CCDC126: variants seen among roughly 807,000 people sequenced by gnomAD.
CCDC126 encodes the protein coiled-coil domain containing 126.
A neutral mutation model predicts 11.7 loss-of-function variants in CCDC126; 5 were observed. The observed-to-expected ratio is 0.43, with a 90% CI of 0.22 to 0.90. The LOEUF is 0.90. CCDC126 is among the 40% of genes least tolerant of loss of function. The pLI is 0.27. For synonymous variants in CCDC126, 60 were observed against 61.9 expected (o/e 0.97, Z 0.14); for missense variants, 150 against 163.1 (o/e 0.92, Z 0.44).
In CCDC126 at chr7:23,642,938, G is replaced by A; in HGVS notation, c.246G>A (p.Leu82=). ...NGASMAGYAD[L]KRTIAVLLDD... ...TCTGATTTATTCCCCTAGCGGATCT[G>A]AAAAGAACAATTGCTGTCCTTCTGG... The change falls in exon 4 of 4, where the codon CTG becomes CTA. Residue 82 remains leucine, a synonymous_variant. Transcript: ENST00000307471. The A allele has an allele frequency of 6.2e-7, 1 of 1,613,542 alleles. No homozygotes were observed. Among genetic ancestry groups the A allele is most frequent in the African/African-American group, 1.3e-5 (1 of 75,032 alleles).
chr7:23,605,813 C>A (rs1374513604), intron 2 of CCDC126, among the ~76,000 whole-genome samples: 1 of 152,068 alleles, frequency 6.6e-6, no homozygotes, highest in Non-Finnish European at 1.5e-5. Flanking sequence ...GCTTTCATTT[C>A]TTTTGTGTAT....
chr7:23,640,718 A>G (rs769685884), intron 3 of CCDC126, among the ~76,000 whole-genome samples: 12 of 152,126 alleles, frequency 7.9e-5, no homozygotes, highest in Non-Finnish European at 1.2e-4. Context: ...CATATTCTAT[A>G]TAAGTGGAAT....
In CCDC126 at chr7:23,633,938, A is replaced by G. The variant is rs183844048; in HGVS notation, c.239-8993A>G. ...TTAAGCTGATATTTAGTGGTGGTAA[A>G]GTATTGATTTGAATTTGAAAAATAT... is the stretch of plus-strand genomic sequence containing the variant. On this transcript the variant is annotated intron_variant, in intron 3 of 3. Transcript: ENST00000307471. Among the ~76,000 whole-genome samples the G allele has an allele frequency of 2.0e-5, 3 of 152,334 alleles. No individual in the cohort carries two copies. The East Asian group carries it at 5.8e-4, about 29-fold the overall frequency.
intron 2 of CCDC126, among the ~76,000 whole-genome samples, chr7:23,600,478 G>A (rs146642729): frequency 2.0e-5 from 3 of 148,922 alleles, no homozygotes; most frequent in Non-Finnish European, 4.4e-5. Flanking sequence ...GGTCAAGTCT[G>A]TGGAGGACTT....
intron 3 of CCDC126, among the ~76,000 whole-genome samples, chr7:23,622,207 G>A (rs529300523): frequency 6.6e-6 from 1 of 152,294 alleles, no homozygotes; most frequent in South Asian, 2.1e-4. Flanking sequence ...ACTCCATCTG[G>A]TCCTGGACTG....
intron 2 of CCDC126, among the ~76,000 whole-genome samples, chr7:23,606,007 T>A (rs1782617374): frequency 1.3e-5 from 2 of 152,104 alleles, no homozygotes; most frequent in African/African-American, 2.4e-5. Context: ...TGTGTGTGTG[T>A]GATAACTATC....
intron 3 of CCDC126, among the ~76,000 whole-genome samples, chr7:23,612,529 C>T (rs1003145268): frequency 6.9e-6 from 1 of 145,890 alleles, no homozygotes; most frequent in Non-Finnish European, 1.5e-5. Flanking sequence ...AAAAATTAGC[C>T]AGGCATGGTG....
At chr7:23,637,058 C>T (rs1225977833) in intron 3 of CCDC126, among the ~76,000 whole-genome samples, 21 of 101,512 alleles carry the variant, frequency 2.1e-4, no homozygotes, top group Admixed American at 5.0e-4. Context: ...GGCCAGCCGC[C>T]CCGTCCGGGA....
chr7:23,637,694 A>G (rs866716748), intron 3 of CCDC126, among the ~76,000 whole-genome samples: 4 of 3,340 alleles, frequency 1.2e-3, no homozygotes, highest in Non-Finnish European at 2.1e-3. Context: ...CGCCCCGTCC[A>G]GGAGGGAGGT....
At chr7:23,636,677 C>A (rs1285020863) in intron 3 of CCDC126, among the ~76,000 whole-genome samples, 1 of 150,094 alleles carries the variant, frequency 6.7e-6, no homozygotes, top group Non-Finnish European at 1.5e-5. Context: ...GCCATCCCGT[C>A]TGGGAAGTGA....
chr7:23,611,042 G>A (rs1052791807), intron 2 of CCDC126, 129 bp from the exon 3 acceptor site: 2 of 222,554 alleles, frequency 9.0e-6, no homozygotes, highest in Non-Finnish European at 1.8e-5. Context: ...AGCTTACTTA[G>A]TGGTGGAGAA....
At chr7:23,601,174 A>C (rs1029962629) in intron 2 of CCDC126, among the ~76,000 whole-genome samples, 5 of 152,194 alleles carry the variant, frequency 3.3e-5, no homozygotes, top group Non-Finnish European at 7.3e-5. Flanking sequence ...GCCTGAGCTC[A>C]AGAGTTTGAG....
chr7:23,599,812 C>G (rs779170491), intron 2 of CCDC126, among the ~76,000 whole-genome samples: 6 of 151,978 alleles, frequency 3.9e-5, no homozygotes, highest in Non-Finnish European at 7.4e-5. Flanking sequence ...TTTGAGACAG[C>G]CTTGCTCTTT....
intron 2 of CCDC126, chr7:23,604,311 A>G (rs1782587755): frequency 6.6e-6 from 1 of 152,252 alleles, no homozygotes; most frequent in South Asian, 2.1e-4. Context: ...TAAAATTATC[A>G]TATAAATGTA....
rs1305307745 is a variant in CCDC126, at chr7:23,637,202, G to T, written c.239-5729G>T. 1.3e-3 allele frequency among the ~76,000 whole-genome samples: 78 copies of T among 59,602 alleles called. 1 individual carries two copies. Among genetic ancestry groups the T allele is most frequent in the African/African-American group, 5.2e-3 (74 of 14,220 alleles). The allele number at this position is 59,602 out of a possible 152,430, so 39.1% of individuals were successfully genotyped here. A position where few individuals can be genotyped will look rare whatever the true frequency, so the allele number is the denominator to read the frequency against. Reference sequence around the variant, plus strand: ...GCCAGCCGCCCCGTCCGGGAGGGAGGTGGGGGGGTCAGCCCCCCGCCCGGC... The same window carrying T: ...GCCAGCCGCCCCGTCCGGGAGGGAGTTGGGGGGGTCAGCCCCCCGCCCGGC... On this transcript the variant is annotated intron_variant, in intron 3 of 3. Transcript: ENST00000307471.
intron 3 of CCDC126, among the ~76,000 whole-genome samples, chr7:23,618,897 A>C (rs1322878673): frequency 6.6e-6 from 1 of 152,042 alleles, no homozygotes; most frequent in Non-Finnish European, 1.5e-5. Context: ...TATTCCTTTG[A>C]GATGATCTCT....
chr7:23,616,063 G>A (rs1782790099), intron 3 of CCDC126, among the ~76,000 whole-genome samples: 2 of 152,184 alleles, frequency 1.3e-5, no homozygotes, highest in African/African-American at 2.4e-5. Flanking sequence ...ATAAAACAAT[G>A]TATTCCTCTA....
rs952468828 is a variant in CCDC126, at chr7:23,623,030, A to G, written c.238+11477A>G. On this transcript the variant is annotated intron_variant, in intron 3 of 3. Coordinates refer to ENST00000307471, the MANE Select transcript of CCDC126 (RefSeq NM_138771.4). Reference sequence around the variant, plus strand: ...CTCTTGTTGCCCAGGCTGGAGTGCAATGGCACAATCTCAGCTCACTGCAGC... The same window carrying G: ...CTCTTGTTGCCCAGGCTGGAGTGCAGTGGCACAATCTCAGCTCACTGCAGC... 1.8e-4 allele frequency among the ~76,000 whole-genome samples: 26 copies of G among 143,548 alleles called. 1 individual carries two copies. Among genetic ancestry groups the G allele is most frequent in the African/African-American group, 3.9e-4 (15 of 38,040 alleles). 94.2% of individuals were successfully genotyped at this position (143,548 alleles called of 152,430 possible).
rs752714499 is a variant in CCDC126 at position 23,643,071 on chromosome 7, G to A, written c.379G>A (p.Val127Ile). ...TNGTSGNLVPVTTNKRTNVSG... is the reference protein window; with the variant it reads ...TNGTSGNLVPITTNKRTNVSG... ...TGGTACTAGTGGGAATTTGGTGCCA[G>A]TAACCACAAATAAAAGAACGAATGT... The change falls in exon 4 of 4, where the codon GTA becomes ATA. Residue 127 changes from valine (V) to isoleucine (I), a missense_variant. Coordinates refer to ENST00000307471, the MANE Select transcript of CCDC126 (RefSeq NM_138771.4). The A allele has an allele frequency of 1.9e-6, 3 of 1,614,016 alleles. No individual in the cohort carries two copies. Among genetic ancestry groups the A allele is most frequent in the Admixed American group, 1.7e-5 (1 of 59,996 alleles).
Sources: gnomAD v4.1 joint callset for allele counts (sites outside exome capture counted in the v4.1 genomes callset) on GRCh38, gnomAD v4.1.1 for gene constraint, MANE v1.5 for transcripts, NCBI Gene and HGNC (gene_info 2026-07-23, HGNC 2026-07-21) for gene names.